The following PYY variants were observed in gnomAD, a reference collection of about 807,000 sequenced individuals.
PYY encodes the protein peptide YY.
Under a neutral mutation model 10.3 loss-of-function variants are expected in PYY, and 12 were observed. The ratio of observed to expected loss-of-function variants is 1.17; its 90% CI spans 0.75 to 1.89. PYY has a LOEUF of 1.89. Ranked by LOEUF, PYY falls within the 40% of genes most tolerant of loss-of-function variation. The pLI, the probability that PYY is intolerant of heterozygous loss-of-function variation, is 0.00. For missense variants in PYY, 141 were observed against 134.0 expected (o/e 1.05, Z -0.26); for synonymous variants, 66 against 62.0 (o/e 1.06, Z -0.30).
chr17:43,959,702 A>C (rs1158330030), intron 2 of PYY, among the ~76,000 whole-genome samples: 1 of 152,262 alleles, frequency 6.6e-6, no homozygotes, highest in Non-Finnish European at 1.5e-5. Flanking sequence ...AAAAATAAAA[A>C]TAAAAATAAA....
At chr17:43,962,339 C>G (rs963961852) in intron 2 of PYY, among the ~76,000 whole-genome samples, 2 of 152,038 alleles carry the variant, frequency 1.3e-5, no homozygotes, top group African/African-American at 4.8e-5. Flanking sequence ...TATCATTAAC[C>G]AATAAAATTG....
chr17:43,960,209 T>C (rs561199173), intron 2 of PYY, among the ~76,000 whole-genome samples: 3 of 152,270 alleles, frequency 2.0e-5, no homozygotes, highest in Non-Finnish European at 2.9e-5. Context: ...CCAAACACCA[T>C]CTATCTTGTT....
At chr17:43,956,400 C>T (rs1489582526), upstream of PYY, among the ~76,000 whole-genome samples, 13 of 149,982 alleles carry the variant, frequency 8.7e-5, no homozygotes, top group African/African-American at 2.7e-4. Flanking sequence ...TCTCAGCCCT[C>T]GATCAATGGG....
At chr17:43,968,692 G>T (rs1346603962) in intron 1 of PYY, among the ~76,000 whole-genome samples, 1 of 152,118 alleles carries the variant, frequency 6.6e-6, no homozygotes, top group African/African-American at 2.4e-5. Flanking sequence ...TGCACCTGTG[G>T]TCCCAGCTAC....
At chr17:44,001,201 G>A (rs73986681) in intron 1 of PYY, among the ~76,000 whole-genome samples, 3 of 152,192 alleles carry the variant, frequency 2.0e-5, no homozygotes, top group East Asian at 1.9e-4. Context: ...GCTGAGATGC[G>A]GCCAAGAAGG....
intron 1 of PYY, among the ~76,000 whole-genome samples, chr17:43,986,281 AAG>A (rs888324022): frequency 2.6e-5 from 4 of 152,218 alleles, no homozygotes; most frequent in African/African-American, 7.2e-5. Context: ...AAGAAAAGAA[AAG>A]AGAGAGAGGG....
At chr17:43,962,046 C>T (rs1270878633) in intron 2 of PYY, among the ~76,000 whole-genome samples, 1 of 152,124 alleles carries the variant, frequency 6.6e-6, no homozygotes, top group Non-Finnish European at 1.5e-5. Flanking sequence ...ATAAATTGTT[C>T]CCCAGTACCT....
intron 1 of PYY, among the ~76,000 whole-genome samples, chr17:43,975,726 AT>A (rs372096577): frequency 0.039 from 2,894 of 74,504 alleles, 643 homozygotes; most frequent in East Asian, 0.37. Flanking sequence ...AAAAAAAAAA[AT>A]ATATATATAT....
At chr17:43,963,571 AAAGAAAGAAAGAAAGAAAG>A (rs973762575) in intron 2 of PYY, among the ~76,000 whole-genome samples, 12 of 28,580 alleles carry the variant, frequency 4.2e-4, no homozygotes, top group African/African-American at 1.6e-3. Context: ...GAAGGAAGGA[AAAGAAAGAAAGAAAGAAAG>A]AAAGAAAGAA....
At position 43,953,125 on chromosome 17, in the gene PYY, G is replaced by C. The variant is rs1446433216; in HGVS notation, c.253C>G (p.Arg85Gly). 1 of 1,614,034 alleles carries C rather than the reference G, an allele frequency of 6.2e-7. No homozygotes were observed. The highest frequency in any genetic ancestry group is 1.1e-5 in the South Asian group (1 of 91,078). ...SKTFFPDGEDRPVRSRSEGPD... is the reference protein window; with the variant it reads ...SKTFFPDGEDGPVRSRSEGPD... ...CGCTTTTACCGCGACCTGACGGGGCGGTCCTCGCCGTCGGGGAAGAACGTT... is the reference window on the plus strand; with the variant it reads ...CGCTTTTACCGCGACCTGACGGGGCCGTCCTCGCCGTCGGGGAAGAACGTT... The change falls in exon 3 of 4, where the codon CGC becomes GGC. Residue 85 changes from arginine to glycine, a missense_variant. Physicochemically the swap from Arg to Gly is moderately radical, Grantham distance 125 (BLOSUM62 -2). Coordinates refer to ENST00000692052, the MANE Select transcript of PYY (RefSeq NM_001394028.1).
At chr17:43,991,172 G>A (rs1189180680) in intron 1 of PYY, among the ~76,000 whole-genome samples, 1 of 151,648 alleles carries the variant, frequency 6.6e-6, no homozygotes, top group Non-Finnish European at 1.5e-5. Flanking sequence ...GCTCATGCCT[G>A]TAATTCCAGC....
intron 1 of PYY, among the ~76,000 whole-genome samples, chr17:43,979,020 T>C (rs952619635): frequency 6.6e-6 from 1 of 152,248 alleles, no homozygotes; most frequent in Non-Finnish European, 1.5e-5. Flanking sequence ...AGCAGTCATT[T>C]TGGGCCATGC....
At chr17:44,004,249 C>G (rs1335307330) in intron 1 of PYY, 5 of 154,974 alleles carry the variant, frequency 3.2e-5, no homozygotes, top group Non-Finnish European at 7.0e-5. Flanking sequence ...CCACTGCCCC[C>G]CTTCTTCTAC....
chr17:43,996,167 G>A (rs540919674), intron 1 of PYY, among the ~76,000 whole-genome samples: 1 of 152,276 alleles, frequency 6.6e-6, no homozygotes, highest in East Asian at 1.9e-4. Context: ...CTTTTCTGCT[G>A]GACCAGGTGG....
intron 1 of PYY, among the ~76,000 whole-genome samples, chr17:43,971,210 G>A (rs764429437): frequency 9.2e-5 from 14 of 152,038 alleles, no homozygotes; most frequent in East Asian, 7.7e-4. Context: ...TCGGCACTTC[G>A]GATTGTCAAT....
At chr17:44,003,074 G>C (rs1011368618) in intron 1 of PYY, among the ~76,000 whole-genome samples, 1 of 152,014 alleles carries the variant, frequency 6.6e-6, no homozygotes, top group Non-Finnish European at 1.5e-5. Context: ...GTCTCATTCT[G>C]TCGCCCAGAC....
At chr17:43,968,803 C>G (rs1365525030) in intron 1 of PYY, among the ~76,000 whole-genome samples, 2 of 151,824 alleles carry the variant, frequency 1.3e-5, no homozygotes, top group African/African-American at 2.4e-5. Context: ...CAGAGTGTGA[C>G]TCCATCTCTA....
intron 1 of PYY, among the ~76,000 whole-genome samples, chr17:43,994,394 TCA>T (rs1316311748): frequency 6.6e-6 from 1 of 151,918 alleles, no homozygotes; most frequent in Non-Finnish European, 1.5e-5. Flanking sequence ...CCTGCCCCAC[TCA>T]CAGTAACAGT....
chr17:43,965,928 A>G (rs2048753511), intron 2 of PYY, among the ~76,000 whole-genome samples: 1 of 151,824 alleles, frequency 6.6e-6, no homozygotes, highest in Non-Finnish European at 1.5e-5. Flanking sequence ...GGTGCTCCCC[A>G]AGATGAGATG....
Sources: allele counts gnomAD v4.1 joint callset (sites outside exome capture counted in the v4.1 genomes callset), GRCh38; gene constraint gnomAD v4.1.1; transcripts MANE v1.5; gene names NCBI Gene and HGNC (gene_info 2026-07-23, HGNC 2026-07-21).